ZNF83: variants seen among roughly 807,000 people sequenced by gnomAD.
ZNF83 encodes the protein zinc finger protein 816B.
For synonymous variants in ZNF83, 209 were observed against 213.0 expected (o/e 0.98, Z 0.17); for missense variants, 552 against 629.9 (o/e 0.88, Z 1.32).
intron 1 of ZNF83, among the ~76,000 whole-genome samples, chr19:52,667,841 A>T (rs917675370): frequency 6.6e-6 from 1 of 152,242 alleles, no homozygotes; most frequent in African/African-American, 2.4e-5. Context: ...GTTTTATTAA[A>T]ATTAAGTTTA....
At chr19:52,638,994 T>C (rs1408770096), upstream of ZNF83, among the ~76,000 whole-genome samples, 2 of 152,210 alleles carry the variant, frequency 1.3e-5, no homozygotes, top group Non-Finnish European at 2.9e-5. Context: ...TCTCTTTTCT[T>C]TTTTATAATA....
intron 1 of ZNF83, among the ~76,000 whole-genome samples, chr19:52,661,735 G>T (rs1478975667): frequency 6.6e-6 from 1 of 152,164 alleles, no homozygotes; most frequent in African/African-American, 2.4e-5. Flanking sequence ...CCAGTGAACA[G>T]CGAAGGAGCT....
chr19:52,647,524 C>G (rs567355005), intron 3 of ZNF83, among the ~76,000 whole-genome samples: 6 of 152,060 alleles, frequency 3.9e-5, no homozygotes, highest in African/African-American at 1.4e-4. Flanking sequence ...TCAGGCAATC[C>G]CCTTGCCTCA....
intron 1 of ZNF83, among the ~76,000 whole-genome samples, chr19:52,661,149 C>G (rs1295261512): frequency 6.6e-6 from 1 of 152,116 alleles, no homozygotes; most frequent in African/African-American, 2.4e-5. Context: ...AGGGGTAAAC[C>G]ACCAGACCCA....
At chr19:52,621,155 T>TC (rs1377436752) in intron 2 of ZNF83, among the ~76,000 whole-genome samples, 1 of 152,146 alleles carries the variant, frequency 6.6e-6, no homozygotes. Flanking sequence ...AGGAGACTGA[T>TC]CCCCTGTCCT....
intron 2 of ZNF83, among the ~76,000 whole-genome samples, chr19:52,623,260 A>AG (rs1253627134): frequency 2.6e-5 from 4 of 152,138 alleles, no homozygotes; most frequent in Non-Finnish European, 5.9e-5. Flanking sequence ...CTGGACCATC[A>AG]GGGATGCTGA....
Position 52,613,212 on chromosome 19 carries a change from GTGAATT to G in ZNF83, c.1347_1352del (p.Lys449_His451delinsAsn), listed in dbSNP as rs2060164526. The G allele has an allele frequency of 4.3e-6, 7 of 1,613,936 alleles. No homozygotes were observed. The East Asian group carries it at 1.6e-4, about 36-fold the overall frequency. On this transcript the variant is annotated inframe_deletion, in exon 3 of 3. Coordinates refer to ENST00000301096, the Ensembl canonical transcript of ZNF83. ...TACATTTGAAAGGTTTCTCTCCAGT[GTGAATT>G]TTCCGATGATGTGCTAGGGATGAGT...
rs560981322 is a variant in ZNF83, at chr19:52,654,170, G to A, written c.-74+1391C>T. On this transcript the variant is annotated intron_variant, in intron 3 of 5. Transcript: ENST00000594682. Reference sequence around the variant, plus strand: ...TTGTTTCCAGCATGCCTTTGATCACGTCGGTCTGTACTACCAGTCAACTTT... The same window carrying A: ...TTGTTTCCAGCATGCCTTTGATCACATCGGTCTGTACTACCAGTCAACTTT... The A allele has an allele frequency of 6.6e-5, 105 of 1,602,992 alleles. No homozygotes were observed. In the African/African-American group the frequency reaches 1.1e-3, roughly 16 times the overall value.
chr19:52,686,809 G>A (rs1029393518), intron 1 of ZNF83, among the ~76,000 whole-genome samples: 6 of 152,032 alleles, frequency 3.9e-5, no homozygotes, highest in Admixed American at 3.9e-4. Context: ...CTGACCTTAC[G>A]TGATTCTCTC....
At chr19:52,653,122 G>A (rs183929721) in intron 3 of ZNF83, 1 of 1,461,272 alleles carries the variant, frequency 6.8e-7, no homozygotes, top group Admixed American at 1.7e-5. Context: ...TCGAGCAAAG[G>A]TCTTGCCACA....
intron 1 of ZNF83, among the ~76,000 whole-genome samples, chr19:52,668,747 T>A (rs752080408): frequency 6.6e-6 from 1 of 152,246 alleles, no homozygotes; most frequent in African/African-American, 2.4e-5. Flanking sequence ...AAGGCAATTG[T>A]TATGCTTGTG....
At chr19:52,650,745 A>G (rs867252016) in intron 3 of ZNF83, 33 of 152,350 alleles carry the variant, frequency 2.2e-4, no homozygotes, top group African/African-American at 5.5e-4. Flanking sequence ...AATTTTTGCT[A>G]CTTCCTAAGG....
chr19:52,613,219 T>G, exon 3 of ZNF83: 1 of 1,611,276 alleles, frequency 6.2e-7, no homozygotes, highest in Middle Eastern at 1.7e-4. Flanking sequence ...AGTGTGAATT[T>G]TCCGATGATG....
intron 3 of ZNF83, among the ~76,000 whole-genome samples, chr19:52,644,854 C>A (rs1352180899): frequency 6.6e-6 from 1 of 151,664 alleles, no homozygotes; most frequent in Non-Finnish European, 1.5e-5. Flanking sequence ...ACTAAAAATA[C>A]AAAAAATTAC....
intron 1 of ZNF83, among the ~76,000 whole-genome samples, chr19:52,684,894 CCA>C (rs1482354110): frequency 6.6e-6 from 1 of 152,120 alleles, no homozygotes; most frequent in Non-Finnish European, 1.5e-5. Context: ...GGCTGTGGAG[CCA>C]CAGTGAGGAG....
rs1243463351 is a variant in ZNF83, at chr19:52,687,459, A to T, written c.-283+2984T>A. ...ATATAGCTATATAAATTATAATATA[A>T]ATTATAATTTATATATCTATATAAA... On this transcript the variant is annotated intron_variant, in intron 1 of 5. Transcript: ENST00000594682. Among the ~76,000 whole-genome samples the T allele has an allele frequency of 1.7e-3, 147 of 84,264 alleles. 1 individual carries two copies. The highest frequency in any genetic ancestry group is 9.5e-3 in the African/African-American group (135 of 14,238). The allele number at this position is 84,264 out of a possible 152,430, so 55.3% of individuals were successfully genotyped here. A position where few individuals can be genotyped will look rare whatever the true frequency, so the allele number is the denominator to read the frequency against.
chr19:52,686,501 A>AACC (rs1344773235), intron 1 of ZNF83, among the ~76,000 whole-genome samples: 3 of 83,754 alleles, frequency 3.6e-5, no homozygotes, highest in Non-Finnish European at 7.6e-5. Context: ...AGAAACCAGA[A>AACC]AGAAAAAAAA....
chr19:52,680,179 AAAAC>A (rs1426359241), intron 1 of ZNF83, among the ~76,000 whole-genome samples: 2 of 152,180 alleles, frequency 1.3e-5, no homozygotes, highest in Non-Finnish European at 2.9e-5. Flanking sequence ...AACTGTCTCA[AAAAC>A]AAACAAACAA....
At chr19:52,641,276 G>T (rs897513280), upstream of ZNF83, among the ~76,000 whole-genome samples, 3 of 152,146 alleles carry the variant, frequency 2.0e-5, no homozygotes, top group Admixed American at 1.3e-4. Context: ...AAGACACCAA[G>T]CTCTGGTAAT....
Sources: allele counts gnomAD v4.1 joint callset (sites outside exome capture counted in the v4.1 genomes callset), GRCh38; gene constraint gnomAD v4.1.1; transcripts MANE v1.5; gene names NCBI Gene and HGNC (gene_info 2026-07-23, HGNC 2026-07-21).